Variants in USP46 observed in about 807,000 individuals in gnomAD.
The protein encoded by USP46 is ubiquitin carboxyl-terminal hydrolase 46.
In USP46, 12 loss-of-function variants were observed where a neutral mutation model predicts 44.4. That is an observed-to-expected ratio of 0.27 (90% CI 0.17 to 0.44). The LOEUF (loss-of-function observed/expected upper bound fraction) is 0.44. USP46 is among the 20% of genes least tolerant of loss of function. USP46 has a pLI of 1.00. For missense variants in USP46, 248 were observed against 444.8 expected, an observed-to-expected ratio of 0.56 and a Z score of 3.98; for synonymous variants, 155 against 161.5, an observed-to-expected ratio of 0.96 and a Z score of 0.31.
At chr4:52,637,725 C>A (rs1718169871) in intron 1 of USP46, among the ~76,000 whole-genome samples, 1 of 152,192 alleles carries the variant, frequency 6.6e-6, no homozygotes. Flanking sequence ...CCTTACCTAC[C>A]TCTAACCCCA....
At chr4:52,656,460 G>A in intron 1 of USP46, 1 of 1,448,044 alleles carries the variant, frequency 6.9e-7, no homozygotes, top group Non-Finnish European at 9.1e-7. Flanking sequence ...GACCTGAGCA[G>A]GGGGCGGGGT....
At chr4:52,610,706 A>G (rs1716906300) in intron 4 of USP46, 89 bp from the exon 5 acceptor site, 3 of 1,249,682 alleles carry the variant, frequency 2.4e-6, no homozygotes, top group Non-Finnish European at 2.3e-6. Context: ...CGACTGCAAT[A>G]AAAACCATAA....
In USP46 at chr4:52,593,074, TACA is replaced by T. The variant is rs1466718373; in HGVS notation, c.*4563_*4565del. On this transcript the variant is annotated 3_prime_UTR_variant, in exon 9 of 9. Transcript: ENST00000441222. Reference sequence around the variant, plus strand: ...TTATAGCACTGCCAGAATGGACAAATACAACGACTTAGTAAGTATTTTTATCTT... The same window carrying T: ...TTATAGCACTGCCAGAATGGACAAATACGACTTAGTAAGTATTTTTATCTT... 7 of 397,030 alleles carry T rather than the reference TACA, an allele frequency of 1.8e-5. No homozygotes were observed. The highest frequency in any genetic ancestry group is 2.7e-5 in the Non-Finnish European group (6 of 225,678). The allele number at this position is 397,030 out of a possible 1,614,324, so 24.6% of individuals were successfully genotyped here.
rs372133776 is a variant in USP46, at chr4:52,597,613, C to T, written c.*27G>A. 7.4e-5 allele frequency: 111 copies of T among 1,493,884 alleles called. No homozygotes were observed. Among genetic ancestry groups the T allele is most frequent in the African/African-American group, 1.1e-4 (8 of 72,144 alleles). The allele number at this position is 1,493,884 out of a possible 1,614,324, so 92.5% of individuals were successfully genotyped here. ...GACAGTGCTGTGAACATTCTCCCCA[C>T]GTGAATCAGTCCCGCAGGTCTTTCA... On this transcript the variant is annotated 3_prime_UTR_variant, in exon 9 of 9. Coordinates refer to ENST00000441222, the MANE Select transcript of USP46 (RefSeq NM_022832.4).
rs184739047 is a variant in USP46, at chr4:52,592,788, G to A, written c.*4852C>T. 4.7e-4 allele frequency: 188 copies of A among 398,108 alleles called. 1 individual carries two copies. The highest frequency in any genetic ancestry group is 7.6e-4 in the Non-Finnish European group (172 of 226,038). 24.7% of individuals were successfully genotyped at this position (398,108 alleles called of 1,614,324 possible). ...CGGGAGGCAGAGGTTGCAGTGAGCT[G>A]AGATCTCATCACTGCACTCCAGCCT... On this transcript the variant is annotated 3_prime_UTR_variant, in exon 9 of 9. Coordinates refer to ENST00000441222, the MANE Select transcript of USP46 (RefSeq NM_022832.4).
chr4:52,659,128 G>A lies in USP46; in HGVS notation c.23C>T (p.Ser8Phe). 6.4e-7 allele frequency: 1 copy of A among 1,569,128 alleles called. No individual in the cohort carries two copies. The highest frequency in any genetic ancestry group is 2.5e-5 in the East Asian group (1 of 39,958). ...TCGGCCACTCACCATATTACAGATG[G>A]AGGCGATGTTTCGGACAGTCATTAG... MTVRNIASICNMGTNASA... is the reference protein window; with the variant it reads MTVRNIAFICNMGTNASA... Residue 8 changes from serine to phenylalanine, a missense_variant, in exon 1 of 9, where the codon TCC (serine) becomes TTC (phenylalanine). Ser to Phe is a radical substitution (Grantham distance 155). This residue lies in a region of USP46 where 31 missense variants were observed against 32.5 expected (regional missense o/e 0.96). Coordinates refer to ENST00000441222, the MANE Select transcript of USP46 (RefSeq NM_022832.4). This position sits in a 1 kb window ranked among gnomAD's most constrained non-coding sequence, Gnocchi z 4.2.
intron 2 of USP46, chr4:52,629,651 T>G (rs752796560): frequency 8.8e-6 from 4 of 456,090 alleles, no homozygotes; most frequent in South Asian, 6.2e-5. Context: ...CAGACACCCT[T>G]CAGTAACGCT....
chr4:52,648,074 C>CTA (rs1227723369), intron 1 of USP46, among the ~76,000 whole-genome samples: 3 of 152,218 alleles, frequency 2.0e-5, no homozygotes, highest in Non-Finnish European at 4.4e-5. Context: ...CACCCACAGG[C>CTA]TATGGATAAG....
intron 4 of USP46, among the ~76,000 whole-genome samples, chr4:52,625,795 T>G (rs560895090): frequency 9.8e-5 from 15 of 152,300 alleles, no homozygotes; most frequent in Admixed American, 9.2e-4. Context: ...CAATTCAGCA[T>G]TTGAGGAGAT....
chr4:52,650,118 T>C (rs772266121), intron 1 of USP46, among the ~76,000 whole-genome samples: 13 of 152,132 alleles, frequency 8.5e-5, no homozygotes, highest in Non-Finnish European at 2.9e-5. Flanking sequence ...CCTAAAGAAA[T>C]GAAGACACCT....
intron 1 of USP46, among the ~76,000 whole-genome samples, chr4:52,636,862 T>C (rs1183654608): frequency 6.6e-6 from 1 of 151,966 alleles, no homozygotes; most frequent in East Asian, 1.9e-4. Flanking sequence ...CAGACTGCAG[T>C]GCATGGGTGT....
At chr4:52,636,362 A>C (rs182411205) in intron 1 of USP46, among the ~76,000 whole-genome samples, 16 of 152,270 alleles carry the variant, frequency 1.1e-4, no homozygotes, top group African/African-American at 3.4e-4. Context: ...GGTGAGACCC[A>C]TTTCAGACTT....
chr4:52,602,927 C>G (rs1393023396), intron 6 of USP46, among the ~76,000 whole-genome samples: 1 of 152,190 alleles, frequency 6.6e-6, no homozygotes, highest in African/African-American at 2.4e-5. Context: ...ATGCAGAGTA[C>G]ACTGCTAGAA....
At chr4:52,608,937 C>A (rs367968264) in intron 5 of USP46, among the ~76,000 whole-genome samples, 7 of 152,114 alleles carry the variant, frequency 4.6e-5, no homozygotes, top group African/African-American at 1.7e-4. Context: ...CTAAGGCGCT[C>A]AAGTGGAAGA....
chr4:52,646,578 T>G (rs2109661745), intron 1 of USP46, among the ~76,000 whole-genome samples: 1 of 152,264 alleles, frequency 6.6e-6, no homozygotes, highest in South Asian at 2.1e-4. Flanking sequence ...ACAAAAAAAT[T>G]AAGGCTTGCA....
At chr4:52,608,599 T>C (rs565308930) in intron 5 of USP46, among the ~76,000 whole-genome samples, 16 of 152,366 alleles carry the variant, frequency 1.1e-4, no homozygotes, top group African/African-American at 2.6e-4. Context: ...GGCTGCTCGA[T>C]AGAATCATCT....
chr4:52,653,289 T>C (rs1402247611), intron 1 of USP46, among the ~76,000 whole-genome samples: 1 of 151,984 alleles, frequency 6.6e-6, no homozygotes, highest in African/African-American at 2.4e-5. Flanking sequence ...GCGGATCACC[T>C]GAGGTCAGGA....
At chr4:52,654,130 C>T (rs1286532755) in intron 1 of USP46, among the ~76,000 whole-genome samples, 1 of 152,120 alleles carries the variant, frequency 6.6e-6, no homozygotes, top group Non-Finnish European at 1.5e-5. Flanking sequence ...TAATATAAAC[C>T]TCTGCATATG....
At position 52,617,251 on chromosome 4, in the gene USP46, C is replaced by T. The variant is rs372085453; in HGVS notation, c.562-6634G>A. 5.9e-5 allele frequency among the ~76,000 whole-genome samples: 9 copies of T among 152,258 alleles called. No individual in the cohort carries two copies. The East Asian group carries it at 9.6e-4, about 16-fold the overall frequency. The stretch of plus-strand genomic sequence containing the variant: ...AATCCACAGTATGTTCCTTAATTAG[C>T]AGAACTTTTTTCTTAACCTAAATGG... On this transcript the variant is annotated intron_variant, in intron 4 of 8. Transcript: ENST00000441222.
Sources: gnomAD v4.1 joint callset for allele counts (sites outside exome capture counted in the v4.1 genomes callset) on GRCh38, gnomAD v4.1.1 for gene constraint, gnomAD v4.1.1 regional missense constraint, Gnocchi (gnomAD v3.1) non-coding constraint, MANE v1.5 for transcripts, NCBI Gene and HGNC (gene_info 2026-07-23, HGNC 2026-07-21) for gene names.